Variants in SMAD5 observed in about 807,000 individuals in gnomAD.
The protein encoded by SMAD5 is SMAD family member 5, also known as MAD, mothers against decapentaplegic homolog 5.
SMAD5 carries 9 observed loss-of-function variants against 43.1 expected under a neutral mutation model. The ratio of observed to expected loss-of-function variants is 0.21; its 90% confidence interval spans 0.13 to 0.36. The LOEUF (loss-of-function observed/expected upper bound fraction) is 0.36, where lower values mean the gene tolerates loss of function less well. SMAD5 is among the 10% of genes least tolerant of loss of function. The pLI is 1.00. For synonymous variants in SMAD5, 190 were observed against 192.4 expected, an observed-to-expected ratio of 0.99 and a Z score of 0.10; for missense variants, 348 against 574.0, an observed-to-expected ratio of 0.61 and a Z score of 4.02.
At chr5:136,169,197 A>T (rs1429936473) in intron 5 of SMAD5, among the ~76,000 whole-genome samples, 1 of 152,146 alleles carries the variant, frequency 6.6e-6, no homozygotes, top group African/African-American at 2.4e-5. Flanking sequence ...TTTGAGTCTG[A>T]TGTTTGAGGA....
At chr5:136,142,100 T>G (rs1753100494) in intron 1 of SMAD5, among the ~76,000 whole-genome samples, 1 of 152,214 alleles carries the variant, frequency 6.6e-6, no homozygotes, top group African/African-American at 2.4e-5. Context: ...TTATTGAGCA[T>G]ATGTATCACT....
rs888926202 is a variant in SMAD5 at position 136,153,603 on chromosome 5, A to G, written c.-158A>G. ...CCTTTCTCTTTCAGGACTTGACCCAATGAAAGAAGCATATGGCACTTGTGA... is the reference window on the plus strand; with the variant it reads ...CCTTTCTCTTTCAGGACTTGACCCAGTGAAAGAAGCATATGGCACTTGTGA... On this transcript the variant is annotated 5_prime_UTR_variant, in exon 3 of 8. It removes an upstream start codon present in the reference 5' UTR. Transcript: ENST00000545279. 5 of 590,962 alleles carry G rather than the reference A, an allele frequency of 8.5e-6. No individual in the cohort carries two copies. The highest frequency in any genetic ancestry group is 2.4e-5 in the South Asian group (1 of 41,474). The allele number at this position is 590,962 out of a possible 1,614,324, so 36.6% of individuals were successfully genotyped here. A position where few individuals can be genotyped will look rare whatever the true frequency, so the allele number is the denominator to read the frequency against.
intron 5 of SMAD5, among the ~76,000 whole-genome samples, chr5:136,170,882 T>C (rs1417617932): frequency 6.6e-6 from 1 of 152,180 alleles, no homozygotes; most frequent in East Asian, 1.9e-4. Flanking sequence ...ATTGTTGCTG[T>C]ATAGGAGAGC....
intron 5 of SMAD5, among the ~76,000 whole-genome samples, chr5:136,170,186 C>T (rs2149779142): frequency 6.6e-6 from 1 of 152,164 alleles, no homozygotes; most frequent in Non-Finnish European, 1.5e-5. Context: ...TAGATTTTCT[C>T]CTGTATTATT....
chr5:136,143,656 T>C (rs764511577), intron 1 of SMAD5, among the ~76,000 whole-genome samples: 3 of 151,942 alleles, frequency 2.0e-5, no homozygotes, highest in Non-Finnish European at 4.4e-5. Flanking sequence ...CTGTGAATGA[T>C]AGATTGTTAT....
intron 1 of SMAD5, among the ~76,000 whole-genome samples, chr5:136,142,185 A>C (rs2149760787): frequency 6.6e-6 from 1 of 152,290 alleles, no homozygotes; most frequent in African/African-American, 2.4e-5. Flanking sequence ...CAGATTTGAA[A>C]GGTAAATGTA....
intron 1 of SMAD5, among the ~76,000 whole-genome samples, chr5:136,144,109 C>T (rs540980139): frequency 5.6e-4 from 85 of 152,102 alleles, no homozygotes; most frequent in African/African-American, 1.9e-3. Flanking sequence ...TTCATTCATA[C>T]GGCAGTTTTG....
At chr5:136,138,875 G>A (rs931754942) in intron 1 of SMAD5, among the ~76,000 whole-genome samples, 1 of 152,130 alleles carries the variant, frequency 6.6e-6, no homozygotes, top group Non-Finnish European at 1.5e-5. Flanking sequence ...GGAATTTGTT[G>A]ATTTAAAAAC....
rs2149774604 is a variant in SMAD5, at chr5:136,163,268, T to G, written c.656-4T>G. On this transcript the variant is annotated splice_polypyrimidine_tract_variant and splice_region_variant and intron_variant, in intron 4 of 7. Transcript: ENST00000545279. ...ATTTTAATTATTATTTTTTTTCCTC[T>G]TAGCTGATACGCCTCCTCCTGCCTA... The G allele has an allele frequency of 6.2e-7, 1 of 1,602,498 alleles. No individual in the cohort carries two copies. Among genetic ancestry groups the G allele is most frequent in the East Asian group, 2.2e-5 (1 of 44,742 alleles).
intron 7 of SMAD5, among the ~76,000 whole-genome samples, chr5:136,175,066 A>G (rs1178499843): frequency 6.6e-6 from 1 of 152,192 alleles, no homozygotes; most frequent in Non-Finnish European, 1.5e-5. Context: ...GCAAAGTCAT[A>G]TCTTACATGG....
At chr5:136,158,926 G>A (rs1753736237) in intron 3 of SMAD5, among the ~76,000 whole-genome samples, 1 of 152,082 alleles carries the variant, frequency 6.6e-6, no homozygotes, top group Non-Finnish European at 1.5e-5. Flanking sequence ...AGATCCAAGG[G>A]AAAACGTAGA....
At chr5:136,169,837 A>G (rs1371257294) in intron 5 of SMAD5, among the ~76,000 whole-genome samples, 4 of 152,142 alleles carry the variant, frequency 2.6e-5, no homozygotes, top group African/African-American at 9.7e-5. Flanking sequence ...AGTATCTCAT[A>G]GTTGTTTTAA....
At chr5:136,144,376 A>G (rs556935336) in intron 1 of SMAD5, among the ~76,000 whole-genome samples, 7 of 152,114 alleles carry the variant, frequency 4.6e-5, no homozygotes, top group Non-Finnish European at 8.8e-5. Flanking sequence ...GTTTGGTTTA[A>G]TACGGCCCTA....
At chr5:136,157,608 A>T (rs1240453437) in intron 3 of SMAD5, among the ~76,000 whole-genome samples, 1 of 152,142 alleles carries the variant, frequency 6.6e-6, no homozygotes, top group Non-Finnish European at 1.5e-5. Flanking sequence ...AGATTCTCAT[A>T]AGGAGCGCAC....
At chr5:136,176,363 G>T (rs1754415293) in intron 7 of SMAD5, among the ~76,000 whole-genome samples, 1 of 148,220 alleles carries the variant, frequency 6.7e-6, no homozygotes, top group African/African-American at 2.5e-5. Context: ...GCTGAGACAG[G>T]AGAATTGTTT....
chr5:136,150,987 A>G (rs1206272919), intron 2 of SMAD5, among the ~76,000 whole-genome samples: 3 of 151,980 alleles, frequency 2.0e-5, no homozygotes, highest in Non-Finnish European at 4.4e-5. Context: ...AACTTGGGAG[A>G]CTGAGTCTGG....
intron 1 of SMAD5, among the ~76,000 whole-genome samples, chr5:136,147,117 C>T (rs1753285232): frequency 6.6e-6 from 1 of 151,536 alleles, no homozygotes; most frequent in Admixed American, 6.6e-5. Flanking sequence ...TACATTGTCT[C>T]ATCATTTCTG....
chr5:136,171,213 A>C (rs952164676), intron 5 of SMAD5, among the ~76,000 whole-genome samples: 1 of 149,686 alleles, frequency 6.7e-6, no homozygotes, highest in Non-Finnish European at 1.5e-5. Context: ...GTTCCCCTCT[A>C]TTCCTAATTT....
intron 2 of SMAD5, among the ~76,000 whole-genome samples, chr5:136,152,386 T>C (rs1409399733): frequency 3.9e-5 from 6 of 152,208 alleles, no homozygotes; most frequent in Non-Finnish European, 8.8e-5. Context: ...TTTACTTTAC[T>C]CTGTGTTTAC....
Sources: allele counts gnomAD v4.1 joint callset (sites outside exome capture counted in the v4.1 genomes callset), GRCh38; gene constraint gnomAD v4.1.1; transcripts MANE v1.5; gene names NCBI Gene and HGNC (gene_info 2026-07-23, HGNC 2026-07-21).